The following PPP2R3A variants were observed in gnomAD, a reference collection of about 807,000 sequenced individuals.
The protein encoded by PPP2R3A is serine/threonine-protein phosphatase 2A regulatory subunit B'' subunit alpha.
In PPP2R3A, 80 loss-of-function variants were observed where a neutral mutation model predicts 106.9. The observed-to-expected ratio is 0.75, with a 90% CI of 0.62 to 0.90. PPP2R3A has a LOEUF of 0.90. Among genes scored for constraint, PPP2R3A ranks in the 40% least tolerant of loss-of-function variants. The probability of loss-of-function intolerance (pLI) is 0.00; values close to 1 mark genes in which losing one functional copy is unlikely to be tolerated. For missense variants in PPP2R3A, 1,386 were observed against 1,350.4 expected, an observed-to-expected ratio of 1.03 and a Z score of -0.41; for synonymous variants, 483 against 468.3, an observed-to-expected ratio of 1.03 and a Z score of -0.41.
intron 4 of PPP2R3A, among the ~76,000 whole-genome samples, chr3:136,044,972 A>G (rs1386795252): frequency 6.6e-6 from 1 of 152,174 alleles, no homozygotes; most frequent in Non-Finnish European, 1.5e-5. Context: ...GGGGTTTTGC[A>G]TGGGAACAGC....
intron 13 of PPP2R3A, among the ~76,000 whole-genome samples, chr3:136,142,736 C>A (rs1482488074): frequency 6.6e-6 from 1 of 152,200 alleles, no homozygotes; most frequent in Non-Finnish European, 1.5e-5. Flanking sequence ...TTGGCTCTGA[C>A]ACTTAGCAAC....
intron 7 of PPP2R3A, among the ~76,000 whole-genome samples, chr3:136,081,317 A>G (rs1936775210): frequency 1.3e-5 from 2 of 152,040 alleles, no homozygotes; most frequent in South Asian, 4.2e-4. Context: ...CTTGCATTCC[A>G]TATTAATATT....
At chr3:136,033,044 T>C (rs577181280) in intron 3 of PPP2R3A, among the ~76,000 whole-genome samples, 2 of 152,346 alleles carry the variant, frequency 1.3e-5, no homozygotes, top group South Asian at 4.1e-4. Flanking sequence ...CATTGAGGTA[T>C]GTCCCTTGTA....
At chr3:136,056,569 A>G (rs1341245563) in intron 5 of PPP2R3A, among the ~76,000 whole-genome samples, 1 of 152,152 alleles carries the variant, frequency 6.6e-6, no homozygotes, top group Non-Finnish European at 1.5e-5. Context: ...TTTATCTTAC[A>G]CCGTATATAA....
chr3:136,028,252 C>T (rs372965450), intron 3 of PPP2R3A, among the ~76,000 whole-genome samples: 4 of 152,280 alleles, frequency 2.6e-5, no homozygotes, highest in South Asian at 2.1e-4. Context: ...TCATGCCCTG[C>T]CCTACCTCTG....
intron 13 of PPP2R3A, among the ~76,000 whole-genome samples, chr3:136,136,074 T>TATATATATATATATA (rs1491542071): frequency 1.9e-3 from 58 of 30,314 alleles, no homozygotes; most frequent in Admixed American, 4.1e-3. Flanking sequence ...AAAAAAAAAA[T>TATATATATATATATA]TATATATATA....
chr3:136,054,479 G>T (rs1029537290), intron 5 of PPP2R3A, among the ~76,000 whole-genome samples: 4 of 151,920 alleles, frequency 2.6e-5, no homozygotes, highest in Admixed American at 1.3e-4. Flanking sequence ...GGATGGTCTG[G>T]ATCTCTTGAC....
At chr3:135,996,687 A>G (rs933496217) in intron 1 of PPP2R3A, among the ~76,000 whole-genome samples, 1 of 152,214 alleles carries the variant, frequency 6.6e-6, no homozygotes, top group Admixed American at 6.5e-5. Context: ...CCCTAGATCA[A>G]GCTAGTCATT....
chr3:136,043,394 G>C (rs1305015486), intron 4 of PPP2R3A, among the ~76,000 whole-genome samples: 3 of 152,150 alleles, frequency 2.0e-5, no homozygotes, highest in African/African-American at 7.2e-5. Flanking sequence ...AGGAGGCGGA[G>C]CTTGCAGTGA....
chr3:136,095,649 A>T (rs1466326892), intron 10 of PPP2R3A, among the ~76,000 whole-genome samples: 1 of 152,160 alleles, frequency 6.6e-6, no homozygotes, highest in African/African-American at 2.4e-5. Flanking sequence ...TCCCTAAAAG[A>T]GAGTTCTTTT....
intron 7 of PPP2R3A, among the ~76,000 whole-genome samples, chr3:136,082,024 C>T (rs1356235434): frequency 1.3e-5 from 2 of 152,126 alleles, no homozygotes; most frequent in African/African-American, 4.8e-5. Flanking sequence ...TACTTCCCTT[C>T]CCCTGCTTTT....
At chr3:136,062,492 G>A (rs1416196678) in intron 5 of PPP2R3A, among the ~76,000 whole-genome samples, 1 of 152,094 alleles carries the variant, frequency 6.6e-6, no homozygotes, top group Non-Finnish European at 1.5e-5. Context: ...GGGAGGCCAA[G>A]GTGTGCAGAT....
intron 3 of PPP2R3A, among the ~76,000 whole-genome samples, chr3:136,032,955 G>T (rs1934958542): frequency 6.6e-6 from 1 of 152,296 alleles, no homozygotes; most frequent in Middle Eastern, 3.4e-3. Flanking sequence ...TCTTGTTCCA[G>T]TTCTCAGAGG....
At chr3:136,003,544 G>A (rs1355043313) in intron 2 of PPP2R3A, 51 bp downstream of exon 2, 3 of 1,476,696 alleles carry the variant, frequency 2.0e-6, no homozygotes, top group Admixed American at 2.4e-5. Flanking sequence ...AATGTTTAGT[G>A]TTTGAAAATT....
rs1430807519 is a variant in PPP2R3A at position 136,027,019 on chromosome 3, C to T, written c.2183C>T (p.Thr728Ile). 2.5e-6 allele frequency: 4 copies of T among 1,612,664 alleles called. No homozygotes were observed. Among genetic ancestry groups the T allele is most frequent in the Admixed American group, 3.3e-5 (2 of 60,004 alleles). ...GATACCTGTAGTAATCATGAACAAA[C>T]TCTAAGCAGAATTGAAACTGCTTTC... ...LPDTCSNHEQ[T>I]LSRIETAFMD... Residue 728 changes from threonine to isoleucine, a missense_variant, in exon 3 of 14, where the codon ACT becomes ATT. Thr to Ile is a moderately conservative substitution (Grantham distance 89). Transcript: ENST00000264977.
intron 2 of PPP2R3A, chr3:136,022,679 T>A (rs756017542): frequency 4.7e-5 from 39 of 836,146 alleles, no homozygotes; most frequent in Non-Finnish European, 5.7e-5. Context: ...GAAGGTACTA[T>A]TTTTAGGTCC....
At chr3:136,032,562 C>G (rs968530451) in intron 3 of PPP2R3A, among the ~76,000 whole-genome samples, 60 of 150,066 alleles carry the variant, frequency 4.0e-4, no homozygotes, top group Non-Finnish European at 3.4e-4. Context: ...GAGTCTCGCT[C>G]TGTCGCCCAG....
chr3:136,016,472 G>A (rs1934271439), intron 2 of PPP2R3A, among the ~76,000 whole-genome samples: 1 of 152,096 alleles, frequency 6.6e-6, no homozygotes, highest in Non-Finnish European at 1.5e-5. Context: ...AGGTCTAGTA[G>A]TAATTGTTTT....
At chr3:136,003,652 AAAG>A (rs1933739935) in intron 2 of PPP2R3A, among the ~76,000 whole-genome samples, 159 bp downstream of exon 2, 1 of 152,164 alleles carries the variant, frequency 6.6e-6, no homozygotes, top group Non-Finnish European at 1.5e-5. Context: ...AGTAAAAAGC[AAAG>A]ATTATACAAG....
Sources: allele counts gnomAD v4.1 joint callset (sites outside exome capture counted in the v4.1 genomes callset), GRCh38; gene constraint gnomAD v4.1.1; transcripts MANE v1.5; gene names NCBI Gene and HGNC (gene_info 2026-07-23, HGNC 2026-07-21).